The following SRGAP1 variants were observed in gnomAD, a reference collection of about 807,000 sequenced individuals.
SRGAP1 encodes the protein SLIT-ROBO Rho GTPase-activating protein 1.
Under a neutral mutation model 121.9 loss-of-function variants are expected in SRGAP1, and 43 were observed. That is an observed-to-expected ratio of 0.35 (90% CI 0.28 to 0.46). The LOEUF (loss-of-function observed/expected upper bound fraction) is 0.46. Among genes scored for constraint, SRGAP1 ranks in the 20% least tolerant of loss-of-function variants. The pLI, the probability that SRGAP1 is intolerant of heterozygous loss-of-function variation, is 1.00. For missense variants in SRGAP1, 1,102 were observed against 1,350.9 expected, an observed-to-expected ratio of 0.82 and a Z score of 2.89; for synonymous variants, 447 against 485.4, an observed-to-expected ratio of 0.92 and a Z score of 1.04.
intron 12 of SRGAP1, 71 bp downstream of exon 12, chr12:64,091,449 A>T: frequency 9.1e-7 from 1 of 1,102,654 alleles, no homozygotes; most frequent in Non-Finnish European, 1.3e-6. Context: ...CTCTTGTAAG[A>T]GGAGGAAGGT....
intron 14 of SRGAP1, among the ~76,000 whole-genome samples, chr12:64,096,014 C>T (rs772762899): frequency 1.4e-4 from 22 of 152,140 alleles, no homozygotes; most frequent in Non-Finnish European, 2.6e-4. Context: ...TCCTATTTGG[C>T]CTCGATTTCC....
In SRGAP1 at chr12:64,146,682, A is replaced by C. The variant is rs1484115088; in HGVS notation, c.*4010A>C. The C allele has an allele frequency of 2.0e-5, 3 of 152,278 alleles. No homozygotes were observed. Among genetic ancestry groups the C allele is most frequent in the South Asian group, 4.2e-4 (2 of 4,818 alleles). The allele number at this position is 152,278 out of a possible 1,614,324, so 9.4% of individuals were successfully genotyped here. A position where few individuals can be genotyped will look rare whatever the true frequency, so the allele number is the denominator to read the frequency against. The stretch of plus-strand genomic sequence containing the variant: ...GATTATCCACCACAGAAACCCTGAG[A>C]CACAGAGCAGCTTAGAAGTCTCTAC... On this transcript the variant is annotated 3_prime_UTR_variant, in exon 22 of 22. Transcript: ENST00000355086.
At chr12:64,052,582 T>C (rs546779791) in intron 6 of SRGAP1, among the ~76,000 whole-genome samples, 1 of 151,642 alleles carries the variant, frequency 6.6e-6, no homozygotes, top group East Asian at 1.9e-4. Flanking sequence ...TAAACGTATA[T>C]GTTTTGTACT....
chr12:64,020,999 A>T (rs964436124), intron 4 of SRGAP1, among the ~76,000 whole-genome samples: 35 of 151,344 alleles, frequency 2.3e-4, no homozygotes, highest in Non-Finnish European at 4.9e-4. Context: ...GTATGGAGGT[A>T]ACATAAAGCC....
At chr12:63,937,663 C>A (rs1364020878) in intron 1 of SRGAP1, among the ~76,000 whole-genome samples, 37 of 152,164 alleles carry the variant, frequency 2.4e-4, no homozygotes, top group Non-Finnish European at 5.9e-5. Context: ...TGTACAGGGA[C>A]CTTTAGCGTG....
chr12:63,901,596 T>C (rs1254566591), intron 1 of SRGAP1, among the ~76,000 whole-genome samples: 1 of 152,212 alleles, frequency 6.6e-6, no homozygotes, highest in East Asian at 1.9e-4. Context: ...CACAACAGGT[T>C]AGCCCTTAAT....
chr12:64,082,799 A>G (rs924224374), intron 10 of SRGAP1, among the ~76,000 whole-genome samples: 1 of 152,102 alleles, frequency 6.6e-6, no homozygotes, highest in Admixed American at 6.5e-5. Context: ...TATACCAGGG[A>G]CACAAGCTGT....
In SRGAP1 at chr12:64,072,159, G is replaced by GC. The variant is rs1303941779; in HGVS notation, c.1126-6760_1126-6759insC. ...GTGTGTGTGTGTGTGGGCGGCGGGGGGGGGCTCTTTCTGCTAATTTTTAGT... is the reference window on the plus strand; with the variant it reads ...GTGTGTGTGTGTGTGGGCGGCGGGGGCGGGGCTCTTTCTGCTAATTTTTAGT... On this transcript the variant is annotated intron_variant, in intron 8 of 21. Coordinates refer to ENST00000355086, the MANE Select transcript of SRGAP1 (RefSeq NM_020762.4). 2.7e-4 allele frequency among the ~76,000 whole-genome samples: 26 copies of GC among 97,412 alleles called. 3 individuals are homozygous for GC. Among genetic ancestry groups the GC allele is most frequent in the Non-Finnish European group, 4.5e-4 (19 of 42,672 alleles). 63.9% of individuals were successfully genotyped at this position (97,412 alleles called of 152,430 possible).
At chr12:64,089,145 T>C (rs1195237856) in intron 11 of SRGAP1, among the ~76,000 whole-genome samples, 1 of 152,198 alleles carries the variant, frequency 6.6e-6, no homozygotes, top group Non-Finnish European at 1.5e-5. Flanking sequence ...CCAGACGACC[T>C]ACCTCCAACC....
chr12:64,141,208 C>G (rs1231311574), intron 21 of SRGAP1, among the ~76,000 whole-genome samples: 1 of 146,042 alleles, frequency 6.8e-6, no homozygotes, highest in Non-Finnish European at 1.5e-5. Context: ...ACCAGCATGG[C>G]ACATGTATAC....
At chr12:63,891,409 C>G (rs1209897990) in intron 1 of SRGAP1, among the ~76,000 whole-genome samples, 1 of 152,180 alleles carries the variant, frequency 6.6e-6, no homozygotes, top group Non-Finnish European at 1.5e-5. Flanking sequence ...AGCCATTTCT[C>G]TTGAAGTTAT....
chr12:64,097,880 C>G (rs1420459598), intron 15 of SRGAP1, among the ~76,000 whole-genome samples: 1 of 152,092 alleles, frequency 6.6e-6, no homozygotes, highest in African/African-American at 2.4e-5. Flanking sequence ...CAGAGTTGCT[C>G]TGGGATTGTG....
intron 15 of SRGAP1, among the ~76,000 whole-genome samples, chr12:64,106,337 AATC>A (rs1477482996): frequency 3.9e-5 from 6 of 152,158 alleles, no homozygotes; most frequent in Non-Finnish European, 8.8e-5. Flanking sequence ...AGGTATGCTA[AATC>A]ATCTTTGTCT....
chr12:63,917,888 C>G (rs960056150), intron 1 of SRGAP1, among the ~76,000 whole-genome samples: 1 of 151,316 alleles, frequency 6.6e-6, no homozygotes, highest in African/African-American at 2.4e-5. Context: ...TACAGAAAAC[C>G]GTGAATAAAT....
chr12:63,907,690 C>T (rs753125872), intron 1 of SRGAP1, among the ~76,000 whole-genome samples: 6 of 152,076 alleles, frequency 3.9e-5, no homozygotes, highest in Non-Finnish European at 7.4e-5. Flanking sequence ...TTTTTGCTCT[C>T]TTGATGGTGT....
chr12:63,860,067 G>A (rs936013550), intron 1 of SRGAP1, among the ~76,000 whole-genome samples: 2 of 152,098 alleles, frequency 1.3e-5, no homozygotes, highest in African/African-American at 2.4e-5. Flanking sequence ...GTGCAGTGGC[G>A]TGATCTTGGT....
chr12:63,983,827 TA>T (rs2033332748), intron 1 of SRGAP1, 119 bp from the exon 2 acceptor site: 9 of 96,438 alleles, frequency 9.3e-5, no homozygotes, highest in African/African-American at 2.9e-4. Context: ...TATATATATA[TA>T]TATATATATA....
At chr12:64,132,434 C>T (rs192958265) in intron 21 of SRGAP1, among the ~76,000 whole-genome samples, 1 of 152,316 alleles carries the variant, frequency 6.6e-6, no homozygotes. Flanking sequence ...TTTTGAGTCA[C>T]TCGATAAATG....
At chr12:63,879,899 C>G (rs1034289596) in intron 1 of SRGAP1, among the ~76,000 whole-genome samples, 6 of 152,082 alleles carry the variant, frequency 3.9e-5, no homozygotes, top group African/African-American at 1.4e-4. Flanking sequence ...GTCTCCAGAC[C>G]AAGATGGCCG....
Sources: gnomAD v4.1 joint callset for allele counts (sites outside exome capture counted in the v4.1 genomes callset) on GRCh38, gnomAD v4.1.1 for gene constraint, MANE v1.5 for transcripts, NCBI Gene and HGNC (gene_info 2026-07-23, HGNC 2026-07-21) for gene names.